The following TEX9 variants were observed in gnomAD, a reference collection of about 807,000 sequenced individuals.
TEX9 encodes testis-expressed protein 9.
Under a neutral mutation model 59.6 loss-of-function variants are expected in TEX9, and 74 were observed. The observed-to-expected ratio is 1.24, with a 90% CI of 1.03 to 1.51. The LOEUF (loss-of-function observed/expected upper bound fraction) is 1.51, where lower values mean the gene tolerates loss of function less well. Ranked by LOEUF, TEX9 falls within the 40% of genes most tolerant of loss-of-function variation. TEX9 has a pLI of 0.00. For missense variants in TEX9, 522 were observed against 447.8 expected, an observed-to-expected ratio of 1.17 and a Z score of -1.49; for synonymous variants, 186 against 152.2, an observed-to-expected ratio of 1.22 and a Z score of -1.64.
intron 2 of TEX9, among the ~76,000 whole-genome samples, chr15:56,370,688 A>G (rs938650345): frequency 7.2e-5 from 11 of 152,188 alleles, no homozygotes; most frequent in Non-Finnish European, 1.3e-4. Context: ...GTTGTTTTGA[A>G]ATAATGATTT....
intron 1 of TEX9, among the ~76,000 whole-genome samples, chr15:56,260,846 A>T (rs538674420): frequency 6.6e-6 from 1 of 152,130 alleles, no homozygotes; most frequent in East Asian, 1.9e-4. Context: ...GTTTTGGAGA[A>T]TTCACCACTA....
chr15:56,378,547 T>G (rs940781651), intron 3 of TEX9, among the ~76,000 whole-genome samples: 1 of 152,206 alleles, frequency 6.6e-6, no homozygotes, highest in African/African-American at 2.4e-5. Flanking sequence ...CCTTTGAATT[T>G]CTGCATTGTC....
intron 1 of TEX9, among the ~76,000 whole-genome samples, chr15:56,298,965 C>A (rs1392913622): frequency 6.6e-6 from 1 of 152,010 alleles, no homozygotes; most frequent in East Asian, 1.9e-4. Flanking sequence ...GGAAGATGAC[C>A]AAATAGAATA....
intron 1 of TEX9, among the ~76,000 whole-genome samples, chr15:56,283,049 G>GGTGTGTGTGTGTGT (rs3985761): frequency 1.5e-4 from 23 of 148,444 alleles, no homozygotes; most frequent in African/African-American, 5.0e-4. Context: ...TACATTGTGT[G>GGTGTGTGTGTGTGT]GTGTGTGTGT....
At chr15:56,446,604 G>A (rs532475543), downstream of TEX9, among the ~76,000 whole-genome samples, 1 of 152,098 alleles carries the variant, frequency 6.6e-6, no homozygotes, top group African/African-American at 2.4e-5. Flanking sequence ...TATAAAGAAT[G>A]CTGGGAGTTA....
intron 1 of TEX9, among the ~76,000 whole-genome samples, chr15:56,306,099 A>G (rs2045475764): frequency 6.6e-6 from 1 of 152,108 alleles, no homozygotes; most frequent in Non-Finnish European, 1.5e-5. Context: ...GCCAGGCAAT[A>G]ACAAATGCTG....
chr15:56,292,295 T>C (rs1181793190), intron 1 of TEX9, among the ~76,000 whole-genome samples: 1 of 152,140 alleles, frequency 6.6e-6, no homozygotes, highest in Non-Finnish European at 1.5e-5. Flanking sequence ...CCTGGTTACT[T>C]TGGGCTTCTG....
intron 12 of TEX9, chr15:56,428,959 T>G: frequency 1.8e-6 from 1 of 569,474 alleles, no homozygotes; most frequent in Non-Finnish European, 3.0e-6. Context: ...GATAATTGTT[T>G]ACAAGTTATG....
intron 1 of TEX9, among the ~76,000 whole-genome samples, chr15:56,303,443 G>A (rs1172182630): frequency 6.6e-6 from 1 of 151,978 alleles, no homozygotes; most frequent in East Asian, 1.9e-4. Context: ...ATATGCTCCT[G>A]AATGATCAAT....
intron 2 of TEX9, among the ~76,000 whole-genome samples, chr15:56,367,273 A>G (rs1240304144): frequency 6.6e-6 from 1 of 152,218 alleles, no homozygotes; most frequent in African/African-American, 2.4e-5. Flanking sequence ...GTAACTCCCT[A>G]CACTACCTGA....
chr15:56,457,829 C>T, the TEX9 span, among the ~76,000 whole-genome samples: 1 of 149,726 alleles, frequency 6.7e-6, no homozygotes, highest in East Asian at 1.9e-4. Context: ...AAAAAAAAAG[C>T]CTCCATGCAA....
At position 56,340,222 on chromosome 15, in the gene TEX9, T is replaced by C. The variant is rs1422226021; in HGVS notation, c.-106-33219T>C. On this transcript the variant is annotated intron_variant, in intron 1 of 5. Coordinates refer to the TEX9 transcript ENST00000560827. ...CAGTTCAAGAAACAAATGTGAGGAT[T>C]CTGCCAATTGCTAAGTATATCCATT... is the stretch of plus-strand genomic sequence containing the variant. Among the ~76,000 whole-genome samples the C allele has an allele frequency of 2.0e-5, 3 of 152,344 alleles. No individual in the cohort carries two copies. The East Asian group carries it at 5.8e-4, about 29-fold the overall frequency.
At chr15:56,370,310 A>G (rs775378028) in intron 2 of TEX9, among the ~76,000 whole-genome samples, 21 of 152,116 alleles carry the variant, frequency 1.4e-4, no homozygotes, top group Non-Finnish European at 2.6e-4. Context: ...ACCCACACCC[A>G]GTTAATCATC....
rs112936161 is a variant in TEX9 at position 56,386,497 on chromosome 15, G to A, written c.264-1975G>A. ...GCCAGTTCTAGCTACTGGTATTACA[G>A]TGGTGAGTAAACAGACCTGATCTTG... On this transcript the variant is annotated intron_variant, in intron 4 of 12. Transcript: ENST00000352903. Among the ~76,000 whole-genome samples the A allele has an allele frequency of 1.0e-3, 158 of 152,122 alleles. 1 individual carries two copies. Among genetic ancestry groups the A allele is most frequent in the African/African-American group, 3.6e-3 (151 of 41,520 alleles).
chr15:56,412,504 A>T, intron 10 of TEX9, 68 bp downstream of exon 10: 1 of 1,447,596 alleles, frequency 6.9e-7, no homozygotes, highest in South Asian at 1.3e-5. Context: ...GAACATGTCA[A>T]AAATAATACT....
chr15:56,268,787 T>C (rs1277722775), intron 1 of TEX9, among the ~76,000 whole-genome samples: 4 of 152,178 alleles, frequency 2.6e-5, no homozygotes, highest in African/African-American at 9.7e-5. Context: ...TAAAATTCTC[T>C]TTTTTTGTTA....
At chr15:56,324,641 T>A (rs1179597211) in intron 1 of TEX9, among the ~76,000 whole-genome samples, 1 of 152,188 alleles carries the variant, frequency 6.6e-6, no homozygotes, top group Admixed American at 6.5e-5. Flanking sequence ...GGAAATGTGG[T>A]GAACTCATTA....
chr15:56,405,670 T>C (rs1303809970), intron 9 of TEX9, among the ~76,000 whole-genome samples: 1 of 152,186 alleles, frequency 6.6e-6, no homozygotes, highest in African/African-American at 2.4e-5. Context: ...TCATGGGTTA[T>C]GTAGCCATGA....
At chr15:56,307,333 C>G (rs1054061700) in intron 1 of TEX9, among the ~76,000 whole-genome samples, 1 of 152,176 alleles carries the variant, frequency 6.6e-6, no homozygotes, top group Non-Finnish European at 1.5e-5. Flanking sequence ...TTTGGATTCC[C>G]CATGCTTTAC....
Sources: allele counts gnomAD v4.1 joint callset (sites outside exome capture counted in the v4.1 genomes callset), GRCh38; gene constraint gnomAD v4.1.1; transcripts MANE v1.5; gene names NCBI Gene and HGNC (gene_info 2026-07-23, HGNC 2026-07-21).